CHERP: variants seen among roughly 807,000 people sequenced by gnomAD.
The protein encoded by CHERP is ERPROT 213-21.
Under a neutral mutation model 113.8 loss-of-function variants are expected in CHERP, and 8 were observed. The ratio of observed to expected loss-of-function variants is 0.07; its 90% CI spans 0.04 to 0.13. The LOEUF is 0.13. Among genes scored for constraint, CHERP ranks in the 10% least tolerant of loss-of-function variants. The probability of loss-of-function intolerance (pLI) is 1.00; values close to 1 mark genes in which losing one functional copy is unlikely to be tolerated. For missense variants in CHERP, 884 were observed against 1,298.2 expected, an observed-to-expected ratio of 0.68 and a Z score of 4.90; for synonymous variants, 559 against 524.5, an observed-to-expected ratio of 1.07 and a Z score of -0.90.
chr19:16,523,429 T>G lies in CHERP; in HGVS notation c.1742-139A>C, dbSNP rs927577972. 7.1e-6 allele frequency: 7 copies of G among 983,004 alleles called. No individual in the cohort carries two copies. The highest frequency in any genetic ancestry group is 1.1e-5 in the Non-Finnish European group (7 of 665,684). 60.9% of individuals were successfully genotyped at this position (983,004 alleles called of 1,614,324 possible). ...CTGTCCAGCATCTTCTCTCACTGCT[T>G]AAGACCAGGCAGCAAGGCACCGAGG... is the stretch of plus-strand genomic sequence containing the variant. On this transcript the variant is annotated intron_variant, in intron 10 of 16. Transcript: ENST00000546361. The surrounding 1 kb of genome is among the most constrained non-coding windows in gnomAD (Gnocchi z 4.0).
intron 5 of CHERP, 137 bp from the exon 6 acceptor site, chr19:16,531,017 G>A (rs1415085473): frequency 6.5e-6 from 9 of 1,389,994 alleles, no homozygotes; most frequent in Middle Eastern, 2.6e-4. Context: ...GGCGATGGCT[G>A]GGCTCCCACG....
At position 16,528,600 on chromosome 19, in the gene CHERP, T is replaced by C. The variant is rs539594825; in HGVS notation, c.1130-345A>G. On this transcript the variant is annotated intron_variant, in intron 8 of 16. Transcript: ENST00000546361. The stretch of plus-strand genomic sequence containing the variant: ...TCATTTCCCCACATCTGTTATTTTC[T>C]ATTCTATACAATCCTCATATTCCTA... 4.9e-4 allele frequency among the ~76,000 whole-genome samples: 74 copies of C among 152,260 alleles called. 1 individual carries two copies. The highest frequency in any genetic ancestry group is 8.2e-4 in the Non-Finnish European group (56 of 68,050).
rs530862044 is a variant in CHERP at position 16,530,356 on chromosome 19, G to A, written c.876+229C>T. Among the ~76,000 whole-genome samples the A allele has an allele frequency of 5.3e-5, 8 of 152,310 alleles. No individual in the cohort carries two copies. In the South Asian group the frequency reaches 1.0e-3, roughly 20 times the overall value. ...CAAATGGGCCATGTGCAATGACTCC[G>A]AAAGGCCGCCTGGTTCTAGTGTTCC... On this transcript the variant is annotated intron_variant, in intron 7 of 16. Coordinates refer to ENST00000546361, the MANE Select transcript of CHERP (RefSeq NM_006387.6). This position sits in a 1 kb window ranked among gnomAD's most constrained non-coding sequence, Gnocchi z 4.1.
intron 2 of CHERP, among the ~76,000 whole-genome samples, chr19:16,540,703 C>CTT (rs1161941914): frequency 2.1e-5 from 3 of 141,240 alleles, no homozygotes; most frequent in Non-Finnish European, 3.1e-5. Context: ...TTCTTTCTTT[C>CTT]TTTTTTTTTT....
rs767105656 is a variant in CHERP, at chr19:16,542,345, G to C, written c.25+9C>G. Reference sequence around the variant, plus strand: ...AGAGAAACGGTCTCTCGGCCGGTTTGGGTCTCACCATCGGGGGGCAGCGGC... The same window carrying C: ...AGAGAAACGGTCTCTCGGCCGGTTTCGGTCTCACCATCGGGGGGCAGCGGC... On this transcript the variant is annotated intron_variant, in intron 1 of 16. Transcript: ENST00000546361. 2.8e-6 allele frequency: 4 copies of C among 1,412,608 alleles called. No individual in the cohort carries two copies. The highest frequency in any genetic ancestry group is 3.4e-5 in the South Asian group (2 of 59,264). The allele number at this position is 1,412,608 out of a possible 1,614,324, so 87.5% of individuals were successfully genotyped here. A position where few individuals can be genotyped will look rare whatever the true frequency, so the allele number is the denominator to read the frequency against.
At position 16,530,932 on chromosome 19, in the gene CHERP, ACG is replaced by A; in HGVS notation, c.675-54_675-53del. ...CAGGGCCCTGGGGCGGGACCCGGCC[ACG>A]CGCCCGTTACCATCGCGGCTCCAGC... On this transcript the variant is annotated intron_variant, in intron 5 of 16. Transcript: ENST00000546361. The surrounding 1 kb of genome is among the most constrained non-coding windows in gnomAD (Gnocchi z 4.1). The A allele has an allele frequency of 6.3e-7, 1 of 1,593,268 alleles. No homozygotes were observed. The highest frequency in any genetic ancestry group is 8.5e-7 in the Non-Finnish European group (1 of 1,171,552).
Position 16,520,384 on chromosome 19 carries a change from G to A in CHERP, c.2325C>T (p.Ser775=). Residue 775 remains serine (S), a synonymous_variant, in exon 14 of 17, where the codon TCC becomes TCT. Transcript: ENST00000546361. This position sits in a 1 kb window ranked among gnomAD's most constrained non-coding sequence, Gnocchi z 4.0. ...SRSRSRSCSR[S]YSRSRSRSRS... ...CCTACCTAGATCTGGAGCGGGAGTA[G>A]GAACGGGAGCAGGAGCGCGACCTTG... The A allele has an allele frequency of 1.9e-6, 3 of 1,614,080 alleles. No individual in the cohort carries two copies. The highest frequency in any genetic ancestry group is 2.5e-6 in the Non-Finnish European group (3 of 1,179,994).
chr19:16,537,991 G>A lies in CHERP; in HGVS notation c.200-2355C>T, dbSNP rs547892680. Among the ~76,000 whole-genome samples the A allele has an allele frequency of 3.2e-4, 49 of 152,286 alleles. 2 individuals are homozygous for A. In the South Asian group the frequency reaches 9.5e-3, roughly 30 times the overall value. On this transcript the variant is annotated intron_variant, in intron 2 of 16. Coordinates refer to ENST00000546361, the MANE Select transcript of CHERP (RefSeq NM_006387.6). ...GAAATGGTCCTTCACCACAGAGTTC[G>A]TGAAGCTCCATTCTACAACAGTTGA... is the stretch of plus-strand genomic sequence containing the variant.
chr19:16,531,025 A>C, intron 5 of CHERP, 145 bp from the exon 6 acceptor site: 1 of 1,336,764 alleles, frequency 7.5e-7, no homozygotes. Context: ...CTGGGCTCCC[A>C]CGAGACCTGT....
Position 16,535,711 on chromosome 19 carries a change from C to G in CHERP, c.200-75G>C. Reference sequence around the variant, plus strand: ...AGGTGTCCCCTTGGCCACCTCTCAGCCACAGGGGCCTCCCCCTCCCCAGGG... The same window carrying G: ...AGGTGTCCCCTTGGCCACCTCTCAGGCACAGGGGCCTCCCCCTCCCCAGGG... On this transcript the variant is annotated intron_variant, in intron 2 of 16. Coordinates refer to ENST00000546361, the MANE Select transcript of CHERP (RefSeq NM_006387.6). The surrounding 1 kb of genome is among the most constrained non-coding windows in gnomAD (Gnocchi z 4.3). The G allele has an allele frequency of 1.5e-6, 2 of 1,346,368 alleles. No individual in the cohort carries two copies. Among genetic ancestry groups the G allele is most frequent in the East Asian group, 5.1e-5 (2 of 39,372 alleles). 83.4% of individuals were successfully genotyped at this position (1,346,368 alleles called of 1,614,324 possible). A position where few individuals can be genotyped will look rare whatever the true frequency, so the allele number is the denominator to read the frequency against.
chr19:16,520,562 CA>C lies in CHERP; in HGVS notation c.2202-56del. The stretch of plus-strand genomic sequence containing the variant: ...CCCAGTGGATGGGCTGCACCCAGCC[CA>C]CCCTGGCCCTCAGGTTCCTAGACCA... On this transcript the variant is annotated intron_variant, in intron 13 of 16. Coordinates refer to ENST00000546361, the MANE Select transcript of CHERP (RefSeq NM_006387.6). This position sits in a 1 kb window ranked among gnomAD's most constrained non-coding sequence, Gnocchi z 4.0. 3.8e-6 allele frequency: 6 copies of C among 1,568,696 alleles called. 2 individuals carry two copies. In the South Asian group the frequency reaches 7.2e-5, roughly 19 times the overall value.
intron 5 of CHERP, 162 bp from the exon 6 acceptor site, chr19:16,531,042 G>A (rs1055616981): frequency 1.7e-6 from 2 of 1,208,012 alleles, no homozygotes; most frequent in African/African-American, 3.1e-5. Flanking sequence ...CTGTGCTGGT[G>A]CCTGGGCTCG....
At chr19:16,533,195 G>A (rs766325899) in intron 3 of CHERP, 47 bp from the exon 4 acceptor site, 21 of 1,545,132 alleles carry the variant, frequency 1.4e-5, no homozygotes, top group Non-Finnish European at 1.7e-5. Flanking sequence ...GGAGGGACCC[G>A]CAGCCTGAGC....
At position 16,523,153 on chromosome 19, in the gene CHERP, G is replaced by A. The variant is rs759050763; in HGVS notation, c.1879C>T (p.Arg627Trp). 2.6e-6 allele frequency: 4 copies of A among 1,558,548 alleles called. No homozygotes were observed. The highest frequency in any genetic ancestry group is 3.5e-6 in the Non-Finnish European group (4 of 1,155,110). The change falls in exon 11 of 17, where the codon CGG (arginine) becomes TGG (tryptophan). Residue 627 changes from arginine (R) to tryptophan (W), a missense_variant. Arg to Trp is a moderately radical substitution (Grantham distance 101). This residue lies in a region of CHERP where 464 missense variants were observed against 590.1 expected (regional missense o/e 0.79). Coordinates refer to ENST00000546361, the MANE Select transcript of CHERP (RefSeq NM_006387.6). The surrounding 1 kb of genome is among the most constrained non-coding windows in gnomAD (Gnocchi z 4.0). ...HGFNGQPPHM[R>W]RQGPPHINHD... Reference sequence around the variant, plus strand: ...TTGATGTGGGGTGGGCCCTGTCGCCGCATGTGTGGGGGCTGCCCGTTGAAG... The same window carrying A: ...TTGATGTGGGGTGGGCCCTGTCGCCACATGTGTGGGGGCTGCCCGTTGAAG...
At chr19:16,538,781 A>AC (rs987726320) in intron 2 of CHERP, among the ~76,000 whole-genome samples, 2 of 143,282 alleles carry the variant, frequency 1.4e-5, no homozygotes, top group Admixed American at 6.9e-5. Context: ...CCAAGTGGCC[A>AC]CCCCCCCGCC....
chr19:16,531,391 G>T (rs999747468), intron 5 of CHERP, among the ~76,000 whole-genome samples: 1 of 152,190 alleles, frequency 6.6e-6, no homozygotes, highest in Non-Finnish European at 1.5e-5. Flanking sequence ...TGCCCAGCGG[G>T]GGGAGGCGCC....
At position 16,532,227 on chromosome 19, in the gene CHERP, C is replaced by A. The variant is rs774525977; in HGVS notation, c.674+371G>T. On this transcript the variant is annotated intron_variant, in intron 5 of 16. Transcript: ENST00000546361. The surrounding 1 kb of genome is among the most constrained non-coding windows in gnomAD (Gnocchi z 4.4). ...TGTGCGTGCAAATCAGTGACGAGGG[C>A]AGGAGACAGACACAGAGGCCAAGGA... 5.1e-5 allele frequency: 11 copies of A among 213,652 alleles called. No individual in the cohort carries two copies. The South Asian group carries it at 1.0e-3, about 20-fold the overall frequency. The allele number at this position is 213,652 out of a possible 1,614,324, so 13.2% of individuals were successfully genotyped here.
chr19:16,541,798 T>G, intron 2 of CHERP, 72 bp downstream of exon 2: 1 of 1,478,356 alleles, frequency 6.8e-7, no homozygotes, highest in Non-Finnish European at 9.2e-7. Flanking sequence ...AAGAGGTTTG[T>G]GGCAGAGCCC....
At position 16,538,692 on chromosome 19, in the gene CHERP, A is replaced by AC. The variant is rs1016051182; in HGVS notation, c.200-3057_200-3056insG. Among the ~76,000 whole-genome samples, 58 of 152,248 alleles carry AC rather than the reference A, an allele frequency of 3.8e-4. 1 individual carries two copies. The highest frequency in any genetic ancestry group is 1.3e-3 in the African/African-American group (56 of 41,544). ...GAGCAAGACTCCATCTCCAAAAAAA[A>AC]AAGAAAGCACTTCTTGGCTTCAATC... On this transcript the variant is annotated intron_variant, in intron 2 of 16. Transcript: ENST00000546361.
Sources: allele counts gnomAD v4.1 joint callset (sites outside exome capture counted in the v4.1 genomes callset), GRCh38; gene constraint gnomAD v4.1.1; regional missense constraint gnomAD v4.1.1; non-coding constraint Gnocchi (gnomAD v3.1); transcripts MANE v1.5; gene names NCBI Gene and HGNC (gene_info 2026-07-23, HGNC 2026-07-21).